The following AGBL4 variants were observed in gnomAD, a reference collection of about 807,000 sequenced individuals.
AGBL4 encodes cytosolic carboxypeptidase 6.
A neutral mutation model predicts 66.4 loss-of-function variants in AGBL4; 58 were observed. That is an observed-to-expected ratio of 0.87 (90% CI 0.71 to 1.09). The LOEUF (loss-of-function observed/expected upper bound fraction) is 1.09. Among genes scored for constraint, AGBL4 ranks in the 50% least tolerant of loss-of-function variants. The pLI is 0.00. For missense variants in AGBL4, 579 were observed against 631.0 expected, an observed-to-expected ratio of 0.92 and a Z score of 0.88; for synonymous variants, 234 against 222.9, an observed-to-expected ratio of 1.05 and a Z score of -0.44.
intron 2 of AGBL4, among the ~76,000 whole-genome samples, chr1:49,803,673 A>G (rs934885104): frequency 5.3e-5 from 8 of 152,134 alleles, no homozygotes; most frequent in African/African-American, 1.7e-4. Flanking sequence ...TGATAACCTG[A>G]TATTTGCCTC....
At chr1:49,552,254 G>T (rs1653019690) in intron 3 of AGBL4, among the ~76,000 whole-genome samples, 1 of 152,142 alleles carries the variant, frequency 6.6e-6, no homozygotes, top group African/African-American at 2.4e-5. Context: ...AAAAAAGCTT[G>T]GTTCTTCCCC....
intron 9 of AGBL4, among the ~76,000 whole-genome samples, chr1:48,619,620 A>C (rs1645376458): frequency 6.6e-6 from 1 of 152,164 alleles, no homozygotes; most frequent in Non-Finnish European, 1.5e-5. Context: ...TCGCCTTAGC[A>C]GTTGGAGGCT....
chr1:49,533,280 C>A (rs1448354801), intron 3 of AGBL4, among the ~76,000 whole-genome samples: 1 of 152,130 alleles, frequency 6.6e-6, no homozygotes, highest in Non-Finnish European at 1.5e-5. Flanking sequence ...TCTGACTCTG[C>A]GCTTCTAAAC....
intron 6 of AGBL4, among the ~76,000 whole-genome samples, chr1:48,834,248 A>G (rs1646625593): frequency 6.6e-6 from 1 of 152,168 alleles, no homozygotes. Context: ...AGTCTCACCC[A>G]TATCTGATTT....
At chr1:49,043,511 T>C (rs1644000142) in intron 5 of AGBL4, among the ~76,000 whole-genome samples, 1 of 152,162 alleles carries the variant, frequency 6.6e-6, no homozygotes, top group Non-Finnish European at 1.5e-5. Flanking sequence ...GAGCTGTTAT[T>C]AGCCCTAGAG....
chr1:49,540,441 T>C (rs1354924784), intron 3 of AGBL4, among the ~76,000 whole-genome samples: 1 of 152,174 alleles, frequency 6.6e-6, no homozygotes, highest in Non-Finnish European at 1.5e-5. Context: ...TTTGCTACAG[T>C]TACTGTGGAT....
At position 48,915,134 on chromosome 1, in the gene AGBL4, G is replaced by T. The variant is rs911477382; in HGVS notation, c.595-47904C>A. On this transcript the variant is annotated intron_variant, in intron 5 of 13. Coordinates refer to ENST00000371839, the MANE Select transcript of AGBL4 (RefSeq NM_032785.4). Reference sequence around the variant, plus strand: ...AGAAACATTTTAGCATGACATTCAAGACTTTGTACTAACCTCTTCAGCTTC... The same window carrying T: ...AGAAACATTTTAGCATGACATTCAATACTTTGTACTAACCTCTTCAGCTTC... 2.0e-5 allele frequency among the ~76,000 whole-genome samples: 3 copies of T among 152,154 alleles called. No individual in the cohort carries two copies. In the South Asian group the frequency reaches 6.2e-4, roughly 31 times the overall value.
chr1:49,784,053 A>G (rs552793926), intron 2 of AGBL4, among the ~76,000 whole-genome samples: 7 of 152,252 alleles, frequency 4.6e-5, no homozygotes, highest in African/African-American at 1.4e-4. Context: ...CTTAATATTA[A>G]GATGGCAGTA....
rs59228663 is a variant in AGBL4, at chr1:50,001,507, GTA to G, written c.34+22254_34+22255del. On this transcript the variant is annotated intron_variant, in intron 1 of 13. Coordinates refer to ENST00000371839, the MANE Select transcript of AGBL4 (RefSeq NM_032785.4). ...TATACATATATATGTATGTGTGTGT[GTA>G]TATATATATATATATGAATGTATAT... is the stretch of plus-strand genomic sequence containing the variant. Among the ~76,000 whole-genome samples the G allele has an allele frequency of 6.5e-4, 96 of 147,518 alleles. 1 individual carries two copies. The highest frequency in any genetic ancestry group is 7.2e-3 in the Middle Eastern group (2 of 278).
chr1:49,307,535 TA>T (rs1179019627), intron 3 of AGBL4, among the ~76,000 whole-genome samples: 1 of 152,166 alleles, frequency 6.6e-6, no homozygotes, highest in Non-Finnish European at 1.5e-5. Context: ...CCTATAACAA[TA>T]AATCATACTG....
intron 6 of AGBL4, among the ~76,000 whole-genome samples, chr1:48,801,086 A>C (rs1008119970): frequency 6.6e-6 from 1 of 152,112 alleles, no homozygotes; most frequent in African/African-American, 2.4e-5. Context: ...ACAGGTTTCC[A>C]GGGAAGTAGG....
chr1:50,020,080 C>T (rs1662329996), intron 1 of AGBL4, among the ~76,000 whole-genome samples: 1 of 151,748 alleles, frequency 6.6e-6, no homozygotes, highest in Non-Finnish European at 1.5e-5. Context: ...CTTAAGTGTC[C>T]CTTATTCCTC....
intron 3 of AGBL4, among the ~76,000 whole-genome samples, chr1:49,480,355 T>G (rs1404654684): frequency 6.6e-6 from 1 of 152,098 alleles, no homozygotes; most frequent in African/African-American, 2.4e-5. Flanking sequence ...GGTATCTCAT[T>G]GTGGTTTTGA....
At chr1:48,698,528 C>A (rs11205524) in intron 6 of AGBL4, among the ~76,000 whole-genome samples, 3,614 of 152,328 alleles carry the variant, frequency 0.024, 131 homozygotes, top group African/African-American at 0.078. Context: ...CCACTGCTCA[C>A]ATGGGGAGCT....
At chr1:49,433,364 CTG>C (rs1645829107) in intron 3 of AGBL4, among the ~76,000 whole-genome samples, 1 of 152,138 alleles carries the variant, frequency 6.6e-6, no homozygotes, top group South Asian at 2.1e-4. Context: ...GACACTATCT[CTG>C]ATACTGTAGT....
At chr1:49,918,165 A>G (rs1390296529) in intron 1 of AGBL4, among the ~76,000 whole-genome samples, 1 of 152,214 alleles carries the variant, frequency 6.6e-6, no homozygotes, top group Non-Finnish European at 1.5e-5. Flanking sequence ...TAACATCACA[A>G]TTGAAAGAAT....
At chr1:49,784,395 A>G (rs1024720004) in intron 2 of AGBL4, among the ~76,000 whole-genome samples, 4 of 152,098 alleles carry the variant, frequency 2.6e-5, no homozygotes, top group African/African-American at 4.8e-5. Flanking sequence ...AGTCTCTTCA[A>G]TGAACTATAC....
chr1:48,697,560 A>G (rs1646731434), intron 6 of AGBL4, among the ~76,000 whole-genome samples: 1 of 152,258 alleles, frequency 6.6e-6, no homozygotes, highest in South Asian at 2.1e-4. Flanking sequence ...CTTCTGGTCC[A>G]GTGATTTTTC....
At chr1:49,389,021 A>G (rs894942225) in intron 3 of AGBL4, among the ~76,000 whole-genome samples, 1 of 152,168 alleles carries the variant, frequency 6.6e-6, no homozygotes, top group African/African-American at 2.4e-5. Flanking sequence ...CCATGAGATC[A>G]CAGTTTGAGT....
Sources: allele counts gnomAD v4.1 joint callset (sites outside exome capture counted in the v4.1 genomes callset), GRCh38; gene constraint gnomAD v4.1.1; transcripts MANE v1.5; gene names NCBI Gene and HGNC (gene_info 2026-07-23, HGNC 2026-07-21).